The following NLRP5 variants were observed in gnomAD, a reference collection of about 807,000 sequenced individuals.
NLRP5 encodes the protein NLR family pyrin domain containing 5, also known as NACHT, LRR and PYD domains-containing protein 5.
NLRP5 carries 93 observed loss-of-function variants against 113.1 expected under a neutral mutation model. That is an observed-to-expected ratio of 0.82 (90% confidence interval 0.70 to 0.98). NLRP5 has a LOEUF of 0.98. NLRP5 is among the 50% of genes least tolerant of loss of function. The probability of loss-of-function intolerance (pLI) is 0.00; values close to 1 mark genes in which losing one functional copy is unlikely to be tolerated. For synonymous variants in NLRP5, 751 were observed against 600.7 expected, an observed-to-expected ratio of 1.25 and a Z score of -3.66; for missense variants, 1,808 against 1,514.3, an observed-to-expected ratio of 1.19 and a Z score of -3.22.
chr19:55,999,923 G>C, intron 1 of NLRP5: 1 of 702,344 alleles, frequency 1.4e-6, no homozygotes, highest in Non-Finnish European at 2.6e-6. Flanking sequence ...AACACTCCCC[G>C]GGGTAGAAAG....
At chr19:56,002,335 T>C (rs1158084748) in intron 1 of NLRP5, among the ~76,000 whole-genome samples, 1 of 152,218 alleles carries the variant, frequency 6.6e-6, no homozygotes, top group East Asian at 1.9e-4. Flanking sequence ...AGTTTATTTT[T>C]ACACCAAAAC....
At chr19:56,021,014 C>T (rs1273053985) in intron 6 of NLRP5, among the ~76,000 whole-genome samples, 1 of 151,854 alleles carries the variant, frequency 6.6e-6, no homozygotes, top group East Asian at 1.9e-4. Context: ...GCTGGGATTA[C>T]AGGCCTGCCA....
At position 56,050,492 on chromosome 19, in the gene NLRP5, C is replaced by T. The variant is rs77601682; in HGVS notation, c.3032C>T (p.Thr1011Met). 4.7e-4 allele frequency: 760 copies of T among 1,613,794 alleles called. No homozygotes were observed. The African/African-American group carries it at 6.1e-3, about 13-fold the overall frequency. ...GCGCTTATGGGTAACTCATGGCTGA[C>T]GCACCTGAGCCTTAGCATGAACCCT... Residue 1011 changes from threonine to methionine, a missense_variant, in exon 12 of 15, where the codon ACG becomes ATG. Transcript: ENST00000390649.
At chr19:56,019,590 TTATC>T (rs1476148459) in intron 5 of NLRP5, among the ~76,000 whole-genome samples, 192 bp downstream of exon 5, 1 of 152,124 alleles carries the variant, frequency 6.6e-6, no homozygotes, top group African/African-American at 2.4e-5. Context: ...TTCACTGTGA[TTATC>T]TACAGTCAGA....
intron 3 of NLRP5, among the ~76,000 whole-genome samples, chr19:56,013,873 T>C (rs1016027249): frequency 2.0e-5 from 3 of 152,164 alleles, no homozygotes; most frequent in South Asian, 2.1e-4. Context: ...TTATGAAACA[T>C]TGACTGTGGT....
At position 56,047,434 on chromosome 19, in the gene NLRP5, CATT is replaced by C. The variant is rs1346502356; in HGVS notation, c.2958-2983_2958-2981del. Among the ~76,000 whole-genome samples the C allele has an allele frequency of 2.7e-5, 4 of 148,330 alleles. No individual in the cohort carries two copies. In the East Asian group the frequency reaches 8.0e-4, roughly 30 times the overall value. Reference sequence around the variant, plus strand: ...TCCCAGAGGTTTTGATAGATTGTGTCATTGTTGTTCAGTCTGAAGAATTTTTTA... The same window carrying C: ...TCCCAGAGGTTTTGATAGATTGTGTCGTTGTTCAGTCTGAAGAATTTTTTA... On this transcript the variant is annotated intron_variant, in intron 11 of 14. Coordinates refer to ENST00000390649, the MANE Select transcript of NLRP5 (RefSeq NM_153447.4).
chr19:56,045,075 T>A (rs1051569801), intron 11 of NLRP5, among the ~76,000 whole-genome samples: 1 of 152,116 alleles, frequency 6.6e-6, no homozygotes, highest in African/African-American at 2.4e-5. Context: ...ATCTGGACAC[T>A]TGAATTATTT....
In NLRP5 at chr19:56,050,586, G is replaced by A. The variant is rs773360311; in HGVS notation, c.3126G>A (p.Leu1042=). 4.3e-6 allele frequency: 7 copies of A among 1,613,100 alleles called. No individual in the cohort carries two copies. In the East Asian group the frequency reaches 6.7e-5, roughly 15 times the overall value. ...AACCATCTTGTCATCTCCAGGACCT[G>A]GAGTGAGTTTCCCATGGGCGTTGGG... The change falls in exon 12 of 15, where the codon CTG becomes CTA. Residue 1042 remains leucine (L), a splice_region_variant and synonymous_variant. Transcript: ENST00000390649.
chr19:56,028,928 C>A (rs1042350458), intron 7 of NLRP5, among the ~76,000 whole-genome samples: 4 of 152,106 alleles, frequency 2.6e-5, no homozygotes, highest in Non-Finnish European at 5.9e-5. Context: ...CCATGCCCAG[C>A]TAGTTTTTGT....
intron 11 of NLRP5, among the ~76,000 whole-genome samples, chr19:56,043,516 A>ATGGAT (rs1983596321): frequency 8.3e-6 from 1 of 120,916 alleles, no homozygotes; most frequent in Admixed American, 8.9e-5. Context: ...CTCCTACTCT[A>ATGGAT]TGGATTGTCT....
intron 6 of NLRP5, among the ~76,000 whole-genome samples, chr19:56,024,385 AACATATAT>A (rs970625242): frequency 1.5e-5 from 2 of 130,102 alleles, no homozygotes; most frequent in African/African-American, 6.0e-5. Flanking sequence ...GTGTATATAT[AACATATAT>A]ACATATATGT....
intron 1 of NLRP5, among the ~76,000 whole-genome samples, chr19:56,001,158 A>G (rs1599874902): frequency 1.3e-5 from 1 of 78,512 alleles, no homozygotes; most frequent in Non-Finnish European, 2.6e-5. Flanking sequence ...CCTTGTCTCT[A>G]CTTTTTTTTT....
intron 11 of NLRP5, among the ~76,000 whole-genome samples, chr19:56,044,067 C>CT (rs35674471): frequency 0.34 from 46,931 of 139,728 alleles, 8,244 homozygotes; most frequent in African/African-American, 0.43. Context: ...AGTCTTAGGT[C>CT]TTTTTTTTTT....
chr19:56,005,765 G>A (rs186945417), intron 2 of NLRP5, among the ~76,000 whole-genome samples: 5 of 152,310 alleles, frequency 3.3e-5, no homozygotes, highest in Admixed American at 2.6e-4. Flanking sequence ...GAGGGCATGT[G>A]GGTATTATTC....
In NLRP5 at chr19:56,028,305, T is replaced by C. The variant is rs1289234451; in HGVS notation, c.2072T>C (p.Leu691Pro). ...GACACCCTGGACGCCTTCCACTGTCTTTTCGAGACTCAAGACAAAGAGTTT... is the reference window on the plus strand; with the variant it reads ...GACACCCTGGACGCCTTCCACTGTCCTTTCGAGACTCAAGACAAAGAGTTT... Residue 691 changes from leucine (L) to proline (P), a missense_variant, in exon 7 of 15, where the codon CTT becomes CCT. Coordinates refer to ENST00000390649, the MANE Select transcript of NLRP5 (RefSeq NM_153447.4). The C allele has an allele frequency of 3.7e-6, 6 of 1,613,990 alleles. No homozygotes were observed. The highest frequency in any genetic ancestry group is 4.2e-6 in the Non-Finnish European group (5 of 1,179,900).
At chr19:56,037,974 G>A (rs765756489) in intron 9 of NLRP5, 51 bp from the exon 10 acceptor site, 2 of 1,598,510 alleles carry the variant, frequency 1.3e-6, no homozygotes, top group Admixed American at 3.4e-5. Context: ...GAGGGGAAAT[G>A]GGCTGCTTTG....
upstream of NLRP5, among the ~76,000 whole-genome samples, chr19:55,996,775 G>A (rs1162866938): frequency 6.6e-6 from 1 of 152,104 alleles, no homozygotes; most frequent in Non-Finnish European, 1.5e-5. Flanking sequence ...TTGCTATTGT[G>A]AATAGTGCCA....
At chr19:56,038,481 G>A (rs1311411690) in intron 10 of NLRP5, among the ~76,000 whole-genome samples, 1 of 152,210 alleles carries the variant, frequency 6.6e-6, no homozygotes, top group African/African-American at 2.4e-5. Flanking sequence ...TCCTGGGCGT[G>A]AGGCTTATGT....
At chr19:56,006,002 T>C (rs1271440232) in intron 2 of NLRP5, among the ~76,000 whole-genome samples, 4 of 152,224 alleles carry the variant, frequency 2.6e-5, no homozygotes, top group African/African-American at 9.6e-5. Flanking sequence ...CCGTGGCATA[T>C]GTTTAAATTC....
Sources: allele counts gnomAD v4.1 joint callset (sites outside exome capture counted in the v4.1 genomes callset), GRCh38; gene constraint gnomAD v4.1.1; transcripts MANE v1.5; gene names NCBI Gene and HGNC (gene_info 2026-07-23, HGNC 2026-07-21).